SPAG16: variants seen among roughly 807,000 people sequenced by gnomAD.
SPAG16 encodes sperm-associated antigen 16 protein.
A neutral mutation model predicts 80.4 loss-of-function variants in SPAG16; 86 were observed. The observed-to-expected ratio is 1.07, with a 90% confidence interval of 0.90 to 1.28. The LOEUF (loss-of-function observed/expected upper bound fraction) is 1.28, where lower values mean the gene tolerates loss of function less well. Among genes scored for constraint, SPAG16 ranks in the 50% most tolerant of loss-of-function variants. The pLI, the probability that SPAG16 is intolerant of heterozygous loss-of-function variation, is 0.00. For synonymous variants in SPAG16, 294 were observed against 265.9 expected (o/e 1.11, Z -1.03); for missense variants, 870 against 765.3 (o/e 1.14, Z -1.61).
chr2:213,526,017 T>C (rs1358794598), intron 10 of SPAG16, among the ~76,000 whole-genome samples: 1 of 152,194 alleles, frequency 6.6e-6, no homozygotes, highest in African/African-American at 2.4e-5. Flanking sequence ...TACCTATTTG[T>C]CTGTTACTTA....
rs71063769 is a variant in SPAG16 at position 213,718,149 on chromosome 2, CAAAAAAA to C, written c.1071-144322_1071-144316del. ...TCTACAAAGAACTTAAACAAGTTTA[CAAAAAAA>C]AAAAAAAAAAAAAGAAAACCACCAA... is the stretch of plus-strand genomic sequence containing the variant. On this transcript the variant is annotated intron_variant, in intron 10 of 15. Transcript: ENST00000331683. Among the ~76,000 whole-genome samples the C allele has an allele frequency of 4.1e-3, 376 of 92,254 alleles. 4 individuals are homozygous for C. Among genetic ancestry groups the C allele is most frequent in the African/African-American group, 0.015 (331 of 21,492 alleles). 60.5% of individuals were successfully genotyped at this position (92,254 alleles called of 152,430 possible).
intron 14 of SPAG16, among the ~76,000 whole-genome samples, chr2:214,134,513 C>T (rs2054945878): frequency 6.6e-6 from 1 of 152,040 alleles, no homozygotes; most frequent in African/African-American, 2.4e-5. Context: ...AGAAGCATGC[C>T]CGTTCCGTGA....
At chr2:213,518,395 A>G (rs1438439918) in intron 10 of SPAG16, among the ~76,000 whole-genome samples, 1 of 152,124 alleles carries the variant, frequency 6.6e-6, no homozygotes, top group Admixed American at 6.5e-5. Flanking sequence ...AGCCTCCTAC[A>G]GGAAGCTGGG....
chr2:213,715,262 A>ATCTG (rs1172617590), intron 10 of SPAG16, among the ~76,000 whole-genome samples: 1 of 151,164 alleles, frequency 6.6e-6, no homozygotes, highest in Non-Finnish European at 1.5e-5. Context: ...CTATCTATCT[A>ATCTG]TCTATCCATT....
At chr2:213,749,034 C>T (rs962684520) in intron 10 of SPAG16, among the ~76,000 whole-genome samples, 1 of 152,066 alleles carries the variant, frequency 6.6e-6, no homozygotes, top group Non-Finnish European at 1.5e-5. Context: ...GTAGTCCCAG[C>T]TACTCAGGAG....
At chr2:213,888,369 T>C (rs899645409) in intron 11 of SPAG16, among the ~76,000 whole-genome samples, 1 of 151,960 alleles carries the variant, frequency 6.6e-6, no homozygotes, top group South Asian at 2.1e-4. Context: ...CTATATGGTT[T>C]TGAGAAAAGT....
intron 15 of SPAG16, chr2:214,238,981 T>C (rs1171554485): frequency 6.6e-6 from 1 of 152,182 alleles, no homozygotes; most frequent in Non-Finnish European, 1.5e-5. Context: ...AGTTCTGAAA[T>C]AGTTACTTGC....
chr2:213,435,505 A>C (rs548543777), intron 9 of SPAG16, among the ~76,000 whole-genome samples: 8 of 152,348 alleles, frequency 5.3e-5, no homozygotes, highest in African/African-American at 1.9e-4. Flanking sequence ...TCCATGTAAC[A>C]AAACTGCACG....
chr2:214,235,740 A>G (rs1256903207), intron 15 of SPAG16, among the ~76,000 whole-genome samples: 1 of 152,194 alleles, frequency 6.6e-6, no homozygotes, highest in African/African-American at 2.4e-5. Context: ...GTAATACCAA[A>G]TTGCAAGGTT....
intron 10 of SPAG16, among the ~76,000 whole-genome samples, chr2:213,561,718 C>T (rs2059603371): frequency 6.6e-6 from 1 of 152,054 alleles, no homozygotes; most frequent in Non-Finnish European, 1.5e-5. Context: ...ACAAAGACTT[C>T]TTAATGTTCT....
chr2:213,896,592 G>GCACACACACACACACACACA (rs372673398), intron 11 of SPAG16, among the ~76,000 whole-genome samples: 4 of 111,928 alleles, frequency 3.6e-5, no homozygotes, highest in African/African-American at 1.3e-4. Flanking sequence ...ACACACACAC[G>GCACACACACACACACACACA]CACACACACA....
chr2:214,168,781 C>T (rs747056696), intron 15 of SPAG16, among the ~76,000 whole-genome samples: 2 of 152,004 alleles, frequency 1.3e-5, no homozygotes, highest in Non-Finnish European at 2.9e-5. Context: ...AACGCTGAAT[C>T]GATTACCTGA....
intron 10 of SPAG16, among the ~76,000 whole-genome samples, chr2:213,562,710 G>A (rs1575984517): frequency 6.6e-6 from 1 of 151,694 alleles, no homozygotes; most frequent in African/African-American, 2.4e-5. Flanking sequence ...CTGTCCTCAC[G>A]TGGTGGAAGG....
chr2:214,073,820 C>T (rs1311884363), intron 13 of SPAG16, among the ~76,000 whole-genome samples: 1 of 152,114 alleles, frequency 6.6e-6, no homozygotes, highest in Non-Finnish European at 1.5e-5. Context: ...TTAATAATGA[C>T]ATGGTGATAT....
intron 5 of SPAG16, among the ~76,000 whole-genome samples, chr2:213,337,982 G>A (rs531707134): frequency 4.6e-5 from 7 of 152,082 alleles, no homozygotes; most frequent in Non-Finnish European, 7.4e-5. Flanking sequence ...GAAAGTCCAG[G>A]TCACCTATAA....
intron 15 of SPAG16, among the ~76,000 whole-genome samples, chr2:214,277,958 G>T (rs568960082): frequency 6.6e-6 from 1 of 152,200 alleles, no homozygotes; most frequent in Non-Finnish European, 1.5e-5. Context: ...CTGTGGTGGG[G>T]TCCACCAGTT....
chr2:214,008,121 C>T (rs1000237974), intron 12 of SPAG16, among the ~76,000 whole-genome samples: 2 of 151,950 alleles, frequency 1.3e-5, no homozygotes, highest in African/African-American at 4.8e-5. Flanking sequence ...TTTTCATTCT[C>T]ACTACTATTT....
intron 15 of SPAG16, among the ~76,000 whole-genome samples, chr2:214,230,596 G>A (rs1346856575): frequency 6.6e-6 from 1 of 151,996 alleles, no homozygotes; most frequent in Non-Finnish European, 1.5e-5. Context: ...GTTGCTTTCA[G>A]AGTTTGCTCT....
intron 10 of SPAG16, among the ~76,000 whole-genome samples, chr2:213,812,671 G>A (rs987332780): frequency 4.6e-5 from 7 of 152,014 alleles, no homozygotes; most frequent in Non-Finnish European, 2.9e-5. Flanking sequence ...GGAACATTTG[G>A]TATCCAAATA....
Sources: gnomAD v4.1 joint callset for allele counts (sites outside exome capture counted in the v4.1 genomes callset) on GRCh38, gnomAD v4.1.1 for gene constraint, MANE v1.5 for transcripts, NCBI Gene and HGNC (gene_info 2026-07-23, HGNC 2026-07-21) for gene names.